Variants in VTI1A observed in about 807,000 individuals in gnomAD.
VTI1A encodes the protein vesicle transport through interaction with t-SNAREs 1A.
A neutral mutation model predicts 34.9 loss-of-function variants in VTI1A; 22 were observed. The observed-to-expected ratio is 0.63, with a 90% CI of 0.45 to 0.90. VTI1A has a LOEUF of 0.90. Among genes scored for constraint, VTI1A ranks in the 40% least tolerant of loss-of-function variants. The pLI, the probability that VTI1A is intolerant of heterozygous loss-of-function variation, is 0.00. For missense variants in VTI1A, 268 were observed against 275.6 expected, an observed-to-expected ratio of 0.97 and a Z score of 0.20; for synonymous variants, 87 against 97.3, an observed-to-expected ratio of 0.89 and a Z score of 0.62.
chr10:112,754,740 G>A (rs999861754), intron 7 of VTI1A, among the ~76,000 whole-genome samples: 1 of 152,144 alleles, frequency 6.6e-6, no homozygotes, highest in African/African-American at 2.4e-5. Flanking sequence ...AGCATGCAGG[G>A]GGGCACAGAG....
intron 5 of VTI1A, among the ~76,000 whole-genome samples, chr10:112,597,805 C>A (rs1178687095): frequency 6.7e-6 from 1 of 148,516 alleles, no homozygotes; most frequent in African/African-American, 2.5e-5. Context: ...TCACGCCATT[C>A]TCCTGCCTCA....
intron 7 of VTI1A, among the ~76,000 whole-genome samples, chr10:112,700,117 CAAAAA>C (rs1201699870): frequency 4.9e-5 from 2 of 40,450 alleles, no homozygotes; most frequent in African/African-American, 1.4e-4. Context: ...GACTCCATCT[CAAAAA>C]AAAAAAAAAA....
intron 7 of VTI1A, among the ~76,000 whole-genome samples, chr10:112,703,643 A>AT (rs750048563): frequency 1.6e-4 from 25 of 152,324 alleles, no homozygotes; most frequent in Non-Finnish European, 3.2e-4. Context: ...GTAAATGTAT[A>AT]TTTTAAGTAG....
intron 3 of VTI1A, among the ~76,000 whole-genome samples, chr10:112,488,007 CTGTT>C (rs1848701048): frequency 1.3e-5 from 2 of 152,166 alleles, no homozygotes; most frequent in South Asian, 4.1e-4. Flanking sequence ...GTTCAAATAA[CTGTT>C]TGGGTAGTGA....
chr10:112,518,585 C>CTATATATATA (rs1197557812), intron 3 of VTI1A, among the ~76,000 whole-genome samples: 1 of 88,844 alleles, frequency 1.1e-5, no homozygotes, highest in South Asian at 4.1e-4. Flanking sequence ...CTCTCTCTCT[C>CTATATATATA]TCTCTATATA....
chr10:112,839,471 G>A, the VTI1A span, among the ~76,000 whole-genome samples: 2 of 151,892 alleles, frequency 1.3e-5, no homozygotes, highest in Non-Finnish European at 2.9e-5. Context: ...GCTACTTGGG[G>A]GAGCAGCCCG....
intron 5 of VTI1A, among the ~76,000 whole-genome samples, chr10:112,631,637 G>A (rs1846133978): frequency 6.6e-6 from 1 of 152,146 alleles, no homozygotes; most frequent in Non-Finnish European, 1.5e-5. Context: ...TTAAGTTCTA[G>A]GCCTAGCTCT....
chr10:112,716,135 C>T (rs1010575544), intron 7 of VTI1A, among the ~76,000 whole-genome samples: 1 of 151,988 alleles, frequency 6.6e-6, no homozygotes, highest in Admixed American at 6.6e-5. Context: ...GATGAGGATC[C>T]GAGGTGAGGG....
chr10:112,807,656 C>T (rs192793293), intron 7 of VTI1A, among the ~76,000 whole-genome samples: 19 of 152,168 alleles, frequency 1.2e-4, no homozygotes, highest in African/African-American at 4.6e-4. Context: ...GAGTTCGAAA[C>T]TAGCCTGGCC....
At chr10:112,518,573 CTCTCTCTCTCTCTCTCTATA>C (rs1361090537) in intron 3 of VTI1A, among the ~76,000 whole-genome samples, 10 of 120,388 alleles carry the variant, frequency 8.3e-5, no homozygotes, top group African/African-American at 2.2e-4. Context: ...CTCTCTCTCT[CTCTCTCTCTCTCTCTCTATA>C]TATATATATA....
intron 1 of VTI1A, chr10:112,448,949 T>C (rs138439037): frequency 6.6e-6 from 1 of 152,334 alleles, no homozygotes; most frequent in African/African-American, 2.4e-5. Flanking sequence ...CCCAGTTAGT[T>C]CTGGAGGAGA....
chr10:112,746,170 A>G (rs1487234026), intron 7 of VTI1A, among the ~76,000 whole-genome samples: 4 of 152,172 alleles, frequency 2.6e-5, no homozygotes, highest in Admixed American at 6.5e-5. Flanking sequence ...CAATTTTATG[A>G]TATAGAATTT....
Position 112,483,044 on chromosome 10 carries a change from AT to A in VTI1A, c.264+18388del, listed in dbSNP as rs1589816346. 2.6e-5 allele frequency among the ~76,000 whole-genome samples: 4 copies of A among 152,290 alleles called. No individual in the cohort carries two copies. In the East Asian group the frequency reaches 7.7e-4, roughly 29 times the overall value. On this transcript the variant is annotated intron_variant, in intron 3 of 7. Transcript: ENST00000393077. ...GTAGGAGAAAATAAAAGCCTAAGAG[AT>A]GGGGAGGAAAAATACCCAGTATCTT...
chr10:112,512,698 A>T (rs1191706536), intron 3 of VTI1A, among the ~76,000 whole-genome samples: 2 of 152,030 alleles, frequency 1.3e-5, no homozygotes, highest in Non-Finnish European at 2.9e-5. Context: ...TAGGTCCTTA[A>T]TCCACTTTGA....
intron 7 of VTI1A, among the ~76,000 whole-genome samples, chr10:112,806,733 G>T: frequency 6.6e-6 from 1 of 151,794 alleles, no homozygotes; most frequent in Admixed American, 6.6e-5. Flanking sequence ...ACAAGCACAG[G>T]CCACCACACC....
Position 112,811,714 on chromosome 10 carries a change from A to ATGG in VTI1A, c.561-3576_561-3575insTGG, listed in dbSNP as rs1853319007. Among the ~76,000 whole-genome samples the ATGG allele has an allele frequency of 3.2e-5, 4 of 124,180 alleles. 1 individual carries two copies. 81.5% of individuals were successfully genotyped at this position (124,180 alleles called of 152,430 possible). A position where few individuals can be genotyped will look rare whatever the true frequency, so the allele number is the denominator to read the frequency against. On this transcript the variant is annotated intron_variant, in intron 7 of 7. Coordinates refer to ENST00000393077, the MANE Select transcript of VTI1A (RefSeq NM_145206.4). Reference sequence around the variant, plus strand: ...AAAAAAAAAAAAAAAAAAAAAAAAGAGTGCAGTCCATGCCTGGAAGTAGAG... The same window carrying ATGG: ...AAAAAAAAAAAAAAAAAAAAAAAAGATGGGTGCAGTCCATGCCTGGAAGTAGAG...
intron 5 of VTI1A, among the ~76,000 whole-genome samples, chr10:112,659,481 T>C (rs117448865): frequency 2.6e-5 from 4 of 152,226 alleles, no homozygotes; most frequent in Non-Finnish European, 4.4e-5. Context: ...CACAGCTTCA[T>C]TGACTGATGT....
In VTI1A at chr10:112,798,092, C is replaced by T. The variant is rs116318339; in HGVS notation, c.561-17198C>T. 8.2e-3 allele frequency among the ~76,000 whole-genome samples: 1,244 copies of T among 152,260 alleles called. 13 individuals are homozygous for T. The highest frequency in any genetic ancestry group is 0.028 in the African/African-American group (1,163 of 41,558). On this transcript the variant is annotated intron_variant, in intron 7 of 7. Transcript: ENST00000393077. ...CTTCCTTCCAGGGAGCACAGTGAGCCCTGCAGGGCGCTCTGACCATCCTCC... is the reference window on the plus strand; with the variant it reads ...CTTCCTTCCAGGGAGCACAGTGAGCTCTGCAGGGCGCTCTGACCATCCTCC...
intron 6 of VTI1A, among the ~76,000 whole-genome samples, chr10:112,668,624 T>C (rs1847733466): frequency 6.6e-6 from 1 of 152,170 alleles, no homozygotes; most frequent in African/African-American, 2.4e-5. Context: ...TTTGTTTATA[T>C]GTTTTTAGGA....
Sources: allele counts gnomAD v4.1 joint callset (sites outside exome capture counted in the v4.1 genomes callset), GRCh38; gene constraint gnomAD v4.1.1; transcripts MANE v1.5; gene names NCBI Gene and HGNC (gene_info 2026-07-23, HGNC 2026-07-21).